LINGO2: variants seen among roughly 807,000 people sequenced by gnomAD.
LINGO2 encodes leucine rich repeat and Ig domain containing 2.
LINGO2 carries 14 observed loss-of-function variants against 30.6 expected under a neutral mutation model. The observed-to-expected ratio is 0.46, with a 90% confidence interval of 0.30 to 0.72. LINGO2 has a LOEUF of 0.72. Ranked by LOEUF, LINGO2 falls within the 30% of genes least tolerant of loss-of-function variation. The probability of loss-of-function intolerance (pLI) is 0.07; values close to 1 mark genes in which losing one functional copy is unlikely to be tolerated. For synonymous variants in LINGO2, 317 were observed against 288.5 expected, an observed-to-expected ratio of 1.10 and a Z score of -1.00; for missense variants, 729 against 751.7, an observed-to-expected ratio of 0.97 and a Z score of 0.35.
chr9:28,075,327 T>C (rs921111826), intron 4 of LINGO2, among the ~76,000 whole-genome samples: 5 of 152,066 alleles, frequency 3.3e-5, no homozygotes, highest in African/African-American at 1.2e-4. Context: ...TAGTAATCAC[T>C]GAACTAAAAT....
At position 28,539,032 on chromosome 9, in the gene LINGO2, A is replaced by G. The variant is rs563037948; in HGVS notation, c.-364-63007T>C. Among the ~76,000 whole-genome samples the G allele has an allele frequency of 1.4e-3, 208 of 152,228 alleles. 1 individual carries two copies. The highest frequency in any genetic ancestry group is 6.8e-3 in the Middle Eastern group (2 of 294). On this transcript the variant is annotated intron_variant, in intron 1 of 5. Coordinates refer to ENST00000379992, the Ensembl canonical transcript of LINGO2. ...TCTGTTTAAGCTCAGAGATTTTTCA[A>G]TTATATTTTTCTTAAAAACAAATAA...
intron 3 of LINGO2, among the ~76,000 whole-genome samples, chr9:28,330,090 T>C (rs575601476): frequency 6.6e-6 from 1 of 152,078 alleles, no homozygotes; most frequent in Non-Finnish European, 1.5e-5. Flanking sequence ...CATGATGGAA[T>C]TAGTAACTTT....
chr9:28,301,477 G>GATA (rs1220228017), intron 3 of LINGO2, among the ~76,000 whole-genome samples: 2 of 152,128 alleles, frequency 1.3e-5, no homozygotes, highest in Non-Finnish European at 2.9e-5. Context: ...TGATAATGTG[G>GATA]GTTCTTGGGC....
intron 1 of LINGO2, among the ~76,000 whole-genome samples, chr9:28,479,955 A>ATATG (rs1825892642): frequency 8.7e-6 from 1 of 114,332 alleles, no homozygotes; most frequent in Non-Finnish European, 1.9e-5. Flanking sequence ...ATATATATAT[A>ATATG]TGTACATTTT....
intron 4 of LINGO2, among the ~76,000 whole-genome samples, chr9:28,040,534 T>C (rs1030426188): frequency 3.3e-5 from 5 of 150,948 alleles, no homozygotes; most frequent in African/African-American, 1.2e-4. Flanking sequence ...GCAGTTTCTT[T>C]ATCTGAATTA....
intron 1 of LINGO2, among the ~76,000 whole-genome samples, chr9:28,487,359 T>C (rs1017290333): frequency 6.6e-6 from 1 of 152,162 alleles, no homozygotes; most frequent in African/African-American, 2.4e-5. Flanking sequence ...GGAATGCAGG[T>C]AAGGTGATTT....
At chr9:28,490,064 T>C (rs1487855315) in intron 1 of LINGO2, among the ~76,000 whole-genome samples, 1 of 152,140 alleles carries the variant, frequency 6.6e-6, no homozygotes, top group Non-Finnish European at 1.5e-5. Flanking sequence ...AGACTCAGTC[T>C]TGGCATAAAA....
the LINGO2 span, among the ~76,000 whole-genome samples, chr9:28,850,556 G>A: frequency 6.6e-6 from 1 of 152,100 alleles, no homozygotes; most frequent in African/African-American, 2.4e-5. Context: ...CAGAACTGGA[G>A]AAAGTAATTT....
At chr9:28,995,310 C>A in the LINGO2 span, among the ~76,000 whole-genome samples, 4 of 152,266 alleles carry the variant, frequency 2.6e-5, no homozygotes, top group South Asian at 6.2e-4. Context: ...CAAATCAAAA[C>A]CACAATGAGA....
intron 2 of LINGO2, among the ~76,000 whole-genome samples, chr9:28,430,950 C>T (rs1823644632): frequency 6.7e-6 from 1 of 149,614 alleles, no homozygotes; most frequent in African/African-American, 2.5e-5. Context: ...AAACTGAGGG[C>T]CTCGTTTCCT....
At chr9:27,965,644 T>A (rs1563862795) in intron 5 of LINGO2, among the ~76,000 whole-genome samples, 2 of 152,138 alleles carry the variant, frequency 1.3e-5, no homozygotes, top group Admixed American at 6.6e-5. Context: ...CCCTCTGTTC[T>A]CGTGTTTATT....
chr9:28,185,473 T>C (rs1819508926), intron 4 of LINGO2, among the ~76,000 whole-genome samples: 1 of 152,182 alleles, frequency 6.6e-6, no homozygotes, highest in African/African-American at 2.4e-5. Context: ...GCCTAGTTTA[T>C]GCCCTTCATG....
intron 4 of LINGO2, among the ~76,000 whole-genome samples, chr9:28,085,109 C>T: frequency 6.6e-6 from 1 of 152,098 alleles, no homozygotes; most frequent in East Asian, 1.9e-4. Flanking sequence ...AAAAACTTGC[C>T]TATGGTCCTA....
intron 3 of LINGO2, among the ~76,000 whole-genome samples, chr9:28,358,644 C>G (rs1391861307): frequency 1.3e-5 from 2 of 152,246 alleles, no homozygotes; most frequent in East Asian, 3.9e-4. Context: ...AATGGAACTT[C>G]TCTGTGCTTC....
intron 4 of LINGO2, among the ~76,000 whole-genome samples, chr9:28,079,239 A>G (rs966897908): frequency 6.6e-6 from 1 of 152,202 alleles, no homozygotes; most frequent in African/African-American, 2.4e-5. Flanking sequence ...GAATATAAAC[A>G]TGATTTACTG....
At chr9:29,212,434 C>A in the LINGO2 span, among the ~76,000 whole-genome samples, 1 of 151,940 alleles carries the variant, frequency 6.6e-6, no homozygotes, top group African/African-American at 2.4e-5. Context: ...GCCGGCCAAG[C>A]GGCAGCGTGG....
At chr9:28,981,360 C>T in the LINGO2 span, among the ~76,000 whole-genome samples, 1 of 85,456 alleles carries the variant, frequency 1.2e-5, no homozygotes, top group Non-Finnish European at 3.0e-5. Context: ...TTTTCCTCTA[C>T]TTAAGATCCT....
chr9:29,074,391 C>G, the LINGO2 span, among the ~76,000 whole-genome samples: 1 of 152,074 alleles, frequency 6.6e-6, no homozygotes, highest in South Asian at 2.1e-4. Context: ...CACAAACGGG[C>G]TAATAAAAAT....
the LINGO2 span, among the ~76,000 whole-genome samples, chr9:29,095,428 A>AAAT: frequency 9.5e-3 from 1,295 of 136,616 alleles, 209 homozygotes; most frequent in African/African-American, 0.032. Flanking sequence ...AGGATAAGGA[A>AAAT]AATAATAATA....
Sources: allele counts gnomAD v4.1 joint callset (sites outside exome capture counted in the v4.1 genomes callset), GRCh38; gene constraint gnomAD v4.1.1; transcripts MANE v1.5; gene names NCBI Gene and HGNC (gene_info 2026-07-23, HGNC 2026-07-21).